Variants in PRR16 observed in about 807,000 individuals in gnomAD.
PRR16 encodes the protein protein Largen.
In PRR16, 6 loss-of-function variants were observed where a neutral mutation model predicts 18.2. The observed-to-expected ratio is 0.33, with a 90% CI of 0.18 to 0.65. The LOEUF (loss-of-function observed/expected upper bound fraction) is 0.65. Among genes scored for constraint, PRR16 ranks in the 30% least tolerant of loss-of-function variants. PRR16 has a pLI of 0.74. For missense variants in PRR16, 412 were observed against 376.6 expected, an observed-to-expected ratio of 1.09 and a Z score of -0.78; for synonymous variants, 151 against 147.8, an observed-to-expected ratio of 1.02 and a Z score of -0.16.
At chr5:120,640,987 T>A (rs972220792) in intron 1 of PRR16, among the ~76,000 whole-genome samples, 1 of 152,216 alleles carries the variant, frequency 6.6e-6, no homozygotes, top group East Asian at 1.9e-4. Flanking sequence ...TTGCCCAAAA[T>A]TTTTAAGAAG....
intron 1 of PRR16, among the ~76,000 whole-genome samples, chr5:120,583,337 G>GTA (rs1753336716): frequency 8.2e-6 from 1 of 122,324 alleles, no homozygotes; most frequent in African/African-American, 2.8e-5. Flanking sequence ...GTGTGTGTGT[G>GTA]TGTGTGTGTG....
the PRR16 span, among the ~76,000 whole-genome samples, chr5:120,749,941 C>T: frequency 1.3e-5 from 2 of 152,062 alleles, no homozygotes; most frequent in African/African-American, 2.4e-5. Flanking sequence ...GATCATGTAA[C>T]AATTTATTTG....
chr5:120,491,235 A>C (rs1750027309), intron 1 of PRR16, among the ~76,000 whole-genome samples: 1 of 152,110 alleles, frequency 6.6e-6, no homozygotes, highest in Admixed American at 6.6e-5. Flanking sequence ...TGTTACACTG[A>C]ATATAGCATG....
chr5:120,785,124 C>T, the PRR16 span, among the ~76,000 whole-genome samples: 1 of 152,212 alleles, frequency 6.6e-6, no homozygotes, highest in Non-Finnish European at 1.5e-5. Context: ...CTAATGGCTT[C>T]ATTAGAATAA....
chr5:120,489,139 G>A (rs1398765251), intron 1 of PRR16, among the ~76,000 whole-genome samples: 3 of 152,178 alleles, frequency 2.0e-5, no homozygotes, highest in Non-Finnish European at 4.4e-5. Flanking sequence ...TTGATTTGGG[G>A]TGGAGAGGTC....
At chr5:120,650,344 ATACTT>A (rs1755736773) in intron 1 of PRR16, among the ~76,000 whole-genome samples, 1 of 149,728 alleles carries the variant, frequency 6.7e-6, no homozygotes, top group Non-Finnish European at 1.5e-5. Flanking sequence ...TTTTTTTATT[ATACTT>A]TAAGTTTTAG....
chr5:120,504,736 C>A (rs1750583228), intron 1 of PRR16, among the ~76,000 whole-genome samples: 1 of 152,086 alleles, frequency 6.6e-6, no homozygotes, highest in South Asian at 2.1e-4. Context: ...ACAGGGATCC[C>A]CTTTGAAGCC....
At chr5:120,773,295 G>A in the PRR16 span, among the ~76,000 whole-genome samples, 1 of 152,248 alleles carries the variant, frequency 6.6e-6, no homozygotes, top group African/African-American at 2.4e-5. Context: ...GGCAGATGAG[G>A]GCTCATATGG....
intron 1 of PRR16, among the ~76,000 whole-genome samples, chr5:120,479,263 C>T (rs1036224885): frequency 3.3e-5 from 5 of 152,034 alleles, no homozygotes; most frequent in South Asian, 2.1e-4. Context: ...TTGAGTCATG[C>T]GAGGCCTTTT....
the PRR16 span, among the ~76,000 whole-genome samples, chr5:120,777,206 G>T: frequency 1.3e-5 from 2 of 152,088 alleles, no homozygotes; most frequent in Admixed American, 6.5e-5. Flanking sequence ...TTAAGGCAAT[G>T]AAAATAACCA....
At chr5:120,597,584 A>G (rs575323009) in intron 1 of PRR16, among the ~76,000 whole-genome samples, 8 of 151,934 alleles carry the variant, frequency 5.3e-5, no homozygotes, top group Non-Finnish European at 1.0e-4. Context: ...TTCCCCTTAC[A>G]GATTTATTAC....
At chr5:120,641,070 G>T (rs1052866534) in intron 1 of PRR16, among the ~76,000 whole-genome samples, 1 of 152,140 alleles carries the variant, frequency 6.6e-6, no homozygotes, top group Non-Finnish European at 1.5e-5. Flanking sequence ...GGAGCCAAAG[G>T]GTAATAACAA....
chr5:120,745,865 ATTTT>A, the PRR16 span, among the ~76,000 whole-genome samples: 3 of 127,490 alleles, frequency 2.4e-5, no homozygotes, highest in African/African-American at 8.9e-5. Flanking sequence ...CGCCCGGGTA[ATTTT>A]TTTTTTTTTT....
At chr5:120,749,479 CTT>C in the PRR16 span, among the ~76,000 whole-genome samples, 2 of 152,030 alleles carry the variant, frequency 1.3e-5, no homozygotes, top group African/African-American at 4.8e-5. Context: ...AAATGTAAGT[CTT>C]TTAATATTTT....
chr5:120,629,144 T>G (rs1369607128), intron 1 of PRR16, among the ~76,000 whole-genome samples: 2 of 152,142 alleles, frequency 1.3e-5, no homozygotes, highest in Admixed American at 1.3e-4. Context: ...TTTGGTTTCC[T>G]ATTTCTATGT....
At chr5:120,783,212 A>G in the PRR16 span, among the ~76,000 whole-genome samples, 1 of 152,338 alleles carries the variant, frequency 6.6e-6, no homozygotes, top group South Asian at 2.1e-4. Flanking sequence ...ACATTACAAT[A>G]ATCATTTTCA....
At chr5:120,610,073 C>A (rs926724863) in intron 1 of PRR16, among the ~76,000 whole-genome samples, 1 of 152,100 alleles carries the variant, frequency 6.6e-6, no homozygotes, top group African/African-American at 2.4e-5. Flanking sequence ...ATACCGTTAT[C>A]CTGAAGAGGC....
chr5:120,484,202 C>G (rs1419057771), intron 1 of PRR16, among the ~76,000 whole-genome samples: 1 of 151,210 alleles, frequency 6.6e-6, no homozygotes, highest in Admixed American at 6.6e-5. Context: ...TTAGCATACT[C>G]ACTTTTAAAA....
At chr5:120,556,620 C>A (rs553320231) in intron 1 of PRR16, among the ~76,000 whole-genome samples, 1 of 151,968 alleles carries the variant, frequency 6.6e-6, no homozygotes, top group Non-Finnish European at 1.5e-5. Context: ...TCATCTTTGC[C>A]ATTTGCATGT....
Sources: gnomAD v4.1 joint callset for allele counts (sites outside exome capture counted in the v4.1 genomes callset) on GRCh38, gnomAD v4.1.1 for gene constraint, MANE v1.5 for transcripts, NCBI Gene and HGNC (gene_info 2026-07-23, HGNC 2026-07-21) for gene names.